The following PCDH9 variants were observed in gnomAD, a reference collection of about 807,000 sequenced individuals.
PCDH9 encodes protocadherin-9.
In PCDH9, 24 loss-of-function variants were observed where a neutral mutation model predicts 70.6. That is an observed-to-expected ratio of 0.34 (90% CI 0.25 to 0.48). The LOEUF (loss-of-function observed/expected upper bound fraction) is 0.48. Among genes scored for constraint, PCDH9 ranks in the 20% least tolerant of loss-of-function variants. The pLI, the probability that PCDH9 is intolerant of heterozygous loss-of-function variation, is 0.99. For missense variants in PCDH9, 1,281 were observed against 1,503.6 expected (o/e 0.85, Z 2.45); for synonymous variants, 562 against 558.5 (o/e 1.01, Z -0.09).
rs755471495 is a variant in PCDH9 at position 66,623,530 on chromosome 13, C to T, written c.3340+7680G>A. ...CATAGCTTACTGCAAGCTCAAACTCCAAGGCTCAGGCAATCCCCCCACCTC... is the reference window on the plus strand; with the variant it reads ...CATAGCTTACTGCAAGCTCAAACTCTAAGGCTCAGGCAATCCCCCCACCTC... On this transcript the variant is annotated intron_variant, in intron 4 of 4. Transcript: ENST00000377865. 2.7e-3 allele frequency among the ~76,000 whole-genome samples: 406 copies of T among 152,280 alleles called. 1 individual carries two copies. The highest frequency in any genetic ancestry group is 6.8e-3 in the Middle Eastern group (2 of 294).
chr13:66,384,045 A>T (rs1956888530), intron 4 of PCDH9, among the ~76,000 whole-genome samples: 1 of 152,152 alleles, frequency 6.6e-6, no homozygotes, highest in Non-Finnish European at 1.5e-5. Flanking sequence ...CGACAACATG[A>T]AATTTTATAT....
chr13:66,703,745 A>G (rs1269943500), intron 3 of PCDH9, among the ~76,000 whole-genome samples: 1 of 151,568 alleles, frequency 6.6e-6, no homozygotes, highest in Non-Finnish European at 1.5e-5. Context: ...AAAAAATACA[A>G]AAAGTATCCA....
At chr13:66,730,897 T>TTTTTTTTTTTG (rs1555262885) in intron 3 of PCDH9, among the ~76,000 whole-genome samples, 5 of 129,098 alleles carry the variant, frequency 3.9e-5, no homozygotes, top group South Asian at 2.5e-4. Context: ...GTTTGTTTCT[T>TTTTTTTTTTTG]TTTTTTTGTG....
intron 4 of PCDH9, among the ~76,000 whole-genome samples, chr13:66,497,613 G>T (rs1419771475): frequency 6.6e-6 from 1 of 152,046 alleles, no homozygotes; most frequent in Non-Finnish European, 1.5e-5. Flanking sequence ...TATTTCAAAT[G>T]CTACATTTTA....
At position 67,226,455 on chromosome 13, in the gene PCDH9, A is replaced by G. The variant is rs780579244; in HGVS notation, c.1986T>C (p.Thr662=). The part of the protein sequence containing the change: ...QPPRSSTAKV[T]INVMDVNDNS... ...TGTCATTGACATCCATGACGTTGAT[A>G]GTTACTTTTGCAGTAGAGGAACGAG... Residue 662 remains threonine, a synonymous_variant, in exon 2 of 5, where the codon ACT becomes ACC. Coordinates refer to ENST00000377865, the MANE Select transcript of PCDH9 (RefSeq NM_203487.3). This position sits in a 1 kb window ranked among gnomAD's most constrained non-coding sequence, Gnocchi z 5.0. The G allele has an allele frequency of 6.2e-7, 1 of 1,614,050 alleles. No homozygotes were observed. Among genetic ancestry groups the G allele is most frequent in the African/African-American group, 1.3e-5 (1 of 75,046 alleles).
intron 4 of PCDH9, among the ~76,000 whole-genome samples, chr13:66,355,728 T>A (rs993396749): frequency 5.3e-5 from 8 of 152,130 alleles, no homozygotes; most frequent in Admixed American, 6.6e-5. Flanking sequence ...GATTGTTTGA[T>A]GAAAATAAAG....
intron 4 of PCDH9, among the ~76,000 whole-genome samples, chr13:66,321,238 C>T (rs1193577612): frequency 6.6e-6 from 1 of 152,014 alleles, no homozygotes; most frequent in Non-Finnish European, 1.5e-5. Context: ...AAGCTGAATG[C>T]TAATCTGCCA....
At chr13:66,890,240 C>G (rs59739347) in intron 3 of PCDH9, among the ~76,000 whole-genome samples, 1 of 152,052 alleles carries the variant, frequency 6.6e-6, no homozygotes, top group African/African-American at 2.4e-5. Context: ...TGTTCTCTGA[C>G]AATAATGACA....
At chr13:66,879,079 A>T (rs1446509655) in intron 3 of PCDH9, among the ~76,000 whole-genome samples, 1 of 152,222 alleles carries the variant, frequency 6.6e-6, no homozygotes, top group African/African-American at 2.4e-5. Context: ...TGCTTCTCTT[A>T]TGGAGTAGAC....
intron 3 of PCDH9, among the ~76,000 whole-genome samples, chr13:66,816,866 T>TA (rs2080614759): frequency 1.3e-5 from 2 of 151,708 alleles, no homozygotes; most frequent in Middle Eastern, 3.4e-3. Context: ...GTTTTTTTTT[T>TA]GGTAAGTGGT....
chr13:66,833,737 A>G (rs74093625), intron 3 of PCDH9, among the ~76,000 whole-genome samples: 2,647 of 152,344 alleles, frequency 0.017, 72 homozygotes, highest in African/African-American at 0.059. Flanking sequence ...AAAAAAAATC[A>G]AATGTTTGCA....
intron 3 of PCDH9, among the ~76,000 whole-genome samples, chr13:66,746,999 T>G (rs914543344): frequency 1.1e-5 from 1 of 93,016 alleles, no homozygotes; most frequent in Non-Finnish European, 3.0e-5. Context: ...ATTTTAAACA[T>G]TTTATTCAAA....
At chr13:66,713,621 G>GTTTATATATA (rs1415001060) in intron 3 of PCDH9, among the ~76,000 whole-genome samples, 1 of 16,886 alleles carries the variant, frequency 5.9e-5, no homozygotes, top group Non-Finnish European at 1.6e-4. Flanking sequence ...AAGTGTGTGT[G>GTTTATATATA]TGTGTATATA....
chr13:66,383,269 G>T (rs777769076), intron 4 of PCDH9, among the ~76,000 whole-genome samples: 6 of 152,130 alleles, frequency 3.9e-5, no homozygotes, highest in African/African-American at 7.2e-5. Context: ...ATAAGAGGAA[G>T]GGTCTTTTGA....
intron 2 of PCDH9, among the ~76,000 whole-genome samples, chr13:66,961,453 A>G (rs1020447538): frequency 6.6e-6 from 1 of 152,228 alleles, no homozygotes; most frequent in Non-Finnish European, 1.5e-5. Context: ...AAGGAATAGA[A>G]GCCTATATAT....
intron 3 of PCDH9, among the ~76,000 whole-genome samples, chr13:66,780,926 T>C (rs2079989020): frequency 6.6e-6 from 1 of 152,152 alleles, no homozygotes; most frequent in African/African-American, 2.4e-5. Context: ...AACAAAGCCT[T>C]AACTGAAGTA....
chr13:67,001,107 T>G (rs1399112880), intron 2 of PCDH9, among the ~76,000 whole-genome samples: 1 of 152,180 alleles, frequency 6.6e-6, no homozygotes, highest in African/African-American at 2.4e-5. Flanking sequence ...GCTAATAAGT[T>G]CGATACAGAA....
At chr13:66,500,032 T>A (rs1405289017) in intron 4 of PCDH9, among the ~76,000 whole-genome samples, 4 of 152,192 alleles carry the variant, frequency 2.6e-5, no homozygotes, top group Non-Finnish European at 5.9e-5. Context: ...GCCAAATAAA[T>A]CTCTTTTATT....
At chr13:66,357,814 T>A (rs751339408) in intron 4 of PCDH9, among the ~76,000 whole-genome samples, 9 of 152,088 alleles carry the variant, frequency 5.9e-5, no homozygotes, top group Non-Finnish European at 7.4e-5. Flanking sequence ...TAGATAGCTA[T>A]AACAACTTCA....
Sources: allele counts gnomAD v4.1 joint callset (sites outside exome capture counted in the v4.1 genomes callset), GRCh38; gene constraint gnomAD v4.1.1; non-coding constraint Gnocchi (gnomAD v3.1); transcripts MANE v1.5; gene names NCBI Gene and HGNC (gene_info 2026-07-23, HGNC 2026-07-21).